The following TTLL3 variants were observed in gnomAD, a reference collection of about 807,000 sequenced individuals.
The protein encoded by TTLL3 is tubulin monoglycylase TTLL3.
A neutral mutation model predicts 75.2 loss-of-function variants in TTLL3; 63 were observed. The ratio of observed to expected loss-of-function variants is 0.84; its 90% CI spans 0.68 to 1.03. The LOEUF is 1.03. Among genes scored for constraint, TTLL3 ranks in the 50% least tolerant of loss-of-function variants. The pLI is 0.00. For missense variants in TTLL3, 997 were observed against 1,069.9 expected (o/e 0.93, Z 0.95); for synonymous variants, 393 against 418.5 (o/e 0.94, Z 0.74).
At chr3:9,819,678 T>G in intron 7 of TTLL3, 1 of 985,570 alleles carries the variant, frequency 1.0e-6, no homozygotes, top group Non-Finnish European at 1.2e-6. Context: ...AGCTCGTGTC[T>G]CCAGGCTCCT....
intron 4 of TTLL3, among the ~76,000 whole-genome samples, chr3:9,814,476 T>C (rs1199720750): frequency 6.6e-6 from 1 of 151,862 alleles, no homozygotes; most frequent in African/African-American, 2.4e-5. Context: ...TGAAACCCTG[T>C]CTCTACTAAA....
intron 4 of TTLL3, 69 bp downstream of exon 4, chr3:9,813,414 G>C: frequency 6.4e-7 from 1 of 1,570,306 alleles, no homozygotes; most frequent in South Asian, 1.1e-5. Flanking sequence ...GTGTCCAGCT[G>C]GGTGACCTCA....
At chr3:9,834,332 A>G (rs377088566) in intron 12 of TTLL3, 1 of 507,506 alleles carries the variant, frequency 2.0e-6, no homozygotes, top group Non-Finnish European at 3.8e-6. Flanking sequence ...ACACATGTCC[A>G]GCACTTAACA....
At chr3:9,825,576 A>G (rs540097424) in intron 8 of TTLL3, 1 of 697,788 alleles carries the variant, frequency 1.4e-6, no homozygotes, top group East Asian at 2.9e-5. Flanking sequence ...AGTTAATGGA[A>G]TTTTATCAGC....
chr3:9,818,501 T>C, intron 6 of TTLL3: 1 of 304,998 alleles, frequency 3.3e-6, no homozygotes, highest in Non-Finnish European at 5.4e-6. Flanking sequence ...CCCGAGTAGC[T>C]GGGACTACAG....
intron 11 of TTLL3, among the ~76,000 whole-genome samples, chr3:9,832,768 T>C (rs1489643000): frequency 2.0e-5 from 3 of 152,244 alleles, no homozygotes; most frequent in South Asian, 4.1e-4. Flanking sequence ...GAGAATCTGA[T>C]TGGCTCAGCT....
intron 10 of TTLL3, 188 bp downstream of exon 10, chr3:9,827,428 G>A (rs774236679): frequency 4.7e-5 from 51 of 1,085,646 alleles, no homozygotes; most frequent in Non-Finnish European, 6.0e-5. Flanking sequence ...GACAGGGGGC[G>A]GTCTCACTCT....
In TTLL3 at chr3:9,827,106, C is replaced by G. The variant is rs1201137481; in HGVS notation, c.1113C>G (p.Leu371=). ...WVVQKYIERP[L]LIFGTKFDLR... The stretch of plus-strand genomic sequence containing the variant: ...TGCAGAAGTATATTGAGCGGCCCCT[C>G]CTCATCTTTGGCACCAAGTTTGACC... Residue 371 remains leucine (L), a synonymous_variant, in exon 10 of 14, where the codon CTC becomes CTG. Transcript: ENST00000685419. 1 of 1,614,230 alleles carries G rather than the reference C, an allele frequency of 6.2e-7. No individual in the cohort carries two copies. The highest frequency in any genetic ancestry group is 1.1e-5 in the South Asian group (1 of 91,078).
Position 9,812,942 on chromosome 3 carries a change from G to T in TTLL3, c.49-1G>T. ...AGAAGTATCCTTCTCTCACATTGCA[G>T]CAGAAGAAGATCTTTACAATCCAAG... On this transcript the variant is annotated splice_acceptor_variant, in intron 2 of 13. Coordinates refer to ENST00000685419, the MANE Select transcript of TTLL3 (RefSeq NM_001387446.1). LOFTEE classifies it high-confidence loss of function. 1 of 1,496,534 alleles carries T rather than the reference G, an allele frequency of 6.7e-7. No homozygotes were observed. Among genetic ancestry groups the T allele is most frequent in the Non-Finnish European group, 8.9e-7 (1 of 1,120,344 alleles). The allele number at this position is 1,496,534 out of a possible 1,614,324, so 92.7% of individuals were successfully genotyped here. A position where few individuals can be genotyped will look rare whatever the true frequency, so the allele number is the denominator to read the frequency against.
At position 9,810,620 on chromosome 3, in the gene TTLL3, G is replaced by A. The variant is rs1217488052; in HGVS notation, c.-41-1G>A. The A allele has an allele frequency of 1.3e-6, 2 of 1,562,588 alleles. No homozygotes were observed. ...CGCCCCTATTCCGCATCTTTCTGCA[G>A]GTTTCCCGGTCCTCTGGCGAGGATC... On this transcript the variant is annotated splice_acceptor_variant, in intron 1 of 13. Transcript: ENST00000685419. LOFTEE classifies it low-confidence loss of function (5UTR_SPLICE). This position sits in a 1 kb window ranked among gnomAD's most constrained non-coding sequence, Gnocchi z 4.4.
chr3:9,827,311 C>T, intron 10 of TTLL3, 71 bp downstream of exon 10: 2 of 1,586,008 alleles, frequency 1.3e-6, no homozygotes, highest in African/African-American at 1.3e-5. Flanking sequence ...CAGGCGATTA[C>T]AGTGCAGGGG....
At chr3:9,819,156 C>T (rs2080180022) in intron 7 of TTLL3, 1 of 548,814 alleles carries the variant, frequency 1.8e-6, no homozygotes, top group South Asian at 2.2e-5. Context: ...CCCTTCCACT[C>T]ATCCTTCCAT....
chr3:9,820,567 A>G lies in TTLL3; in HGVS notation c.680A>G (p.Gln227Arg). 1 of 1,614,056 alleles carries G rather than the reference A, an allele frequency of 6.2e-7. No individual in the cohort carries two copies. Among genetic ancestry groups the G allele is most frequent in the Non-Finnish European group, 8.5e-7 (1 of 1,179,978 alleles). The change falls in exon 8 of 14, where the codon CAG (glutamine) becomes CGG (arginine). Residue 227 changes from glutamine (Q) to arginine (R), a missense_variant. Coordinates refer to ENST00000685419, the MANE Select transcript of TTLL3 (RefSeq NM_001387446.1). Reference protein sequence around the residue: ...EASGDKQPKKQEKNPVLVSPE... With the variant: ...EASGDKQPKKREKNPVLVSPE... Reference sequence around the variant, plus strand: ...GCAGGAGACAAGCAGCCCAAGAAACAGGAGAAAAACCCAGTGTTGGTGTCC... The same window carrying G: ...GCAGGAGACAAGCAGCCCAAGAAACGGGAGAAAAACCCAGTGTTGGTGTCC...
intron 12 of TTLL3, among the ~76,000 whole-genome samples, chr3:9,833,461 A>AC (rs2081771623): frequency 6.6e-6 from 1 of 152,154 alleles, no homozygotes; most frequent in Admixed American, 6.5e-5. Flanking sequence ...TTTCACCATG[A>AC]CCTTTTCTAG....
chr3:9,830,512 A>G (rs1483427305), intron 11 of TTLL3, among the ~76,000 whole-genome samples: 1 of 152,168 alleles, frequency 6.6e-6, no homozygotes, highest in Non-Finnish European at 1.5e-5. Flanking sequence ...TGATCACATG[A>G]CCTAAGTGAC....
rs1292611290 is a variant in TTLL3 at position 9,836,033 on chromosome 3, G to A, written c.*544G>A. 4 of 152,164 alleles carry A rather than the reference G, an allele frequency of 2.6e-5. No individual in the cohort carries two copies. The highest frequency in any genetic ancestry group is 9.7e-5 in the African/African-American group (4 of 41,336). The allele number at this position is 152,164 out of a possible 1,614,324, so 9.4% of individuals were successfully genotyped here. ...TGTGGGAAAAGAGTCTTTGTAGCTG[G>A]GTATGGTGGCTCACACCTGTTATCC... is the stretch of plus-strand genomic sequence containing the variant. On this transcript the variant is annotated 3_prime_UTR_variant, in exon 14 of 14. Transcript: ENST00000685419.
Position 9,825,886 on chromosome 3 carries a change from T to C in TTLL3, c.941T>C (p.Ile314Thr), listed in dbSNP as rs751691266. 6 of 1,613,930 alleles carry C rather than the reference T, an allele frequency of 3.7e-6. No homozygotes were observed. The highest frequency in any genetic ancestry group is 1.7e-6 in the Non-Finnish European group (2 of 1,180,000). The change falls in exon 9 of 14, where the codon ATA (isoleucine) becomes ACA (threonine). Residue 314 changes from isoleucine to threonine, a missense_variant. Transcript: ENST00000685419. The part of the protein sequence containing the change: ...LQQLQAVVPQ[I>T]DMEGDRNIWI... ...CAGCTGCAGGCCGTGGTACCCCAGATAGACATGGAAGGGGATCGCAACATC... is the reference window on the plus strand; with the variant it reads ...CAGCTGCAGGCCGTGGTACCCCAGACAGACATGGAAGGGGATCGCAACATC...
rs768852434 is a variant in TTLL3, at chr3:9,817,827, A to G, written c.559+68A>G. ...GAGCAGGGCTGAAGCTCTGGCTCAT[A>G]TTGGAGAGAAACAGGCCTCTCTTCA... On this transcript the variant is annotated intron_variant, in intron 6 of 13. Transcript: ENST00000685419. The G allele has an allele frequency of 2.0e-4, 312 of 1,599,656 alleles. 1 individual carries two copies. Among genetic ancestry groups the G allele is most frequent in the Middle Eastern group, 8.5e-4 (5 of 5,854 alleles).
chr3:9,820,318 C>T, intron 7 of TTLL3: 1 of 1,380,828 alleles, frequency 7.2e-7, no homozygotes. Flanking sequence ...TAGGGCAGAG[C>T]CTCGAGTGAC....
Sources: gnomAD v4.1 joint callset for allele counts (sites outside exome capture counted in the v4.1 genomes callset) on GRCh38, gnomAD v4.1.1 for gene constraint, Gnocchi (gnomAD v3.1) non-coding constraint, MANE v1.5 for transcripts, NCBI Gene and HGNC (gene_info 2026-07-23, HGNC 2026-07-21) for gene names.